CREB1: variants seen among roughly 807,000 people sequenced by gnomAD.
CREB1 encodes cyclic AMP-responsive element-binding protein 1.
CREB1 carries 2 observed loss-of-function variants against 42.0 expected under a neutral mutation model. The observed-to-expected ratio is 0.05, with a 90% confidence interval of 0.02 to 0.15. The LOEUF (loss-of-function observed/expected upper bound fraction) is 0.15, where lower values mean the gene tolerates loss of function less well. Among genes scored for constraint, CREB1 ranks in the 10% least tolerant of loss-of-function variants. CREB1 has a pLI of 1.00. For synonymous variants in CREB1, 123 were observed against 139.9 expected (o/e 0.88, Z 0.85); for missense variants, 199 against 388.9 (o/e 0.51, Z 4.11).
In CREB1 at chr2:207,597,989, A is replaced by G. The variant is rs2086447402; in HGVS notation, c.*931A>G. On this transcript the variant is annotated 3_prime_UTR_variant, in exon 8 of 8. Coordinates refer to ENST00000353267, the MANE Select transcript of CREB1 (RefSeq NM_004379.5). ...TATTGTCACTCATTTACGTAAAAAG[A>G]TATTTCTAATTTACTGTTGCCCATT... is the stretch of plus-strand genomic sequence containing the variant. 1 of 183,466 alleles carries G rather than the reference A, an allele frequency of 5.5e-6. No homozygotes were observed. Among genetic ancestry groups the G allele is most frequent in the Non-Finnish European group, 1.2e-5 (1 of 86,400 alleles). The allele number at this position is 183,466 out of a possible 1,614,324, so 11.4% of individuals were successfully genotyped here.
At chr2:207,563,698 C>A (rs546765755) in intron 3 of CREB1, among the ~76,000 whole-genome samples, 22 of 152,280 alleles carry the variant, frequency 1.4e-4, no homozygotes, top group African/African-American at 5.1e-4. Context: ...AATCCCAGCA[C>A]TTTGGGAGGC....
intron 1 of CREB1, among the ~76,000 whole-genome samples, chr2:207,531,300 C>G (rs907737814): frequency 6.6e-6 from 1 of 152,112 alleles, no homozygotes; most frequent in Non-Finnish European, 1.5e-5. Flanking sequence ...CCACGAATTT[C>G]TGTGTGAACT....
At chr2:207,554,327 G>A (rs1384654696) in intron 1 of CREB1, among the ~76,000 whole-genome samples, 3 of 152,180 alleles carry the variant, frequency 2.0e-5, no homozygotes, top group African/African-American at 7.2e-5. Flanking sequence ...AATACATTGT[G>A]ATGGAGTGTA....
intron 2 of CREB1, among the ~76,000 whole-genome samples, chr2:207,557,839 A>C (rs1288432195): frequency 6.6e-6 from 1 of 152,176 alleles, no homozygotes; most frequent in Non-Finnish European, 1.5e-5. Flanking sequence ...TAAAATTATT[A>C]GTGTAGAAAA....
In CREB1 at chr2:207,544,101, A is replaced by C. The variant is rs2081207549; in HGVS notation, c.-8-11527A>C. ...CGCCTGGCTAATTTTTTGTATTTTT[A>C]GTAGAGACAGAGTTTCACTGTGGTC... On this transcript the variant is annotated intron_variant, in intron 1 of 7. Transcript: ENST00000353267. Among the ~76,000 whole-genome samples the C allele has an allele frequency of 2.6e-5, 4 of 150,968 alleles. No homozygotes were observed. The South Asian group carries it at 8.4e-4, about 32-fold the overall frequency.
chr2:207,587,608 C>T (rs1264000458), intron 7 of CREB1, among the ~76,000 whole-genome samples: 1 of 152,030 alleles, frequency 6.6e-6, no homozygotes. Context: ...TACTGTCAAG[C>T]CACTAAAAAG....
chr2:207,563,519 T>C (rs1472261030), intron 3 of CREB1, among the ~76,000 whole-genome samples: 1 of 152,226 alleles, frequency 6.6e-6, no homozygotes, highest in Non-Finnish European at 1.5e-5. Context: ...AAAATGATTA[T>C]TTAGTAAGCA....
chr2:207,543,519 G>A (rs147509216), intron 1 of CREB1, among the ~76,000 whole-genome samples: 20 of 152,212 alleles, frequency 1.3e-4, no homozygotes, highest in East Asian at 3.9e-4. Context: ...TAAGTAAGGC[G>A]TAGTCTTCAT....
chr2:207,563,216 G>A (rs1443799667), intron 3 of CREB1, among the ~76,000 whole-genome samples: 2 of 152,154 alleles, frequency 1.3e-5, no homozygotes, highest in Non-Finnish European at 2.9e-5. Flanking sequence ...TAACAGAAAG[G>A]TATGGCTGGA....
rs2087591365 is a variant in CREB1 at position 207,603,933 on chromosome 2, G to C, written c.*6875G>C. 6.6e-6 allele frequency among the ~76,000 whole-genome samples: 1 copy of C among 152,170 alleles called. No individual in the cohort carries two copies. Among genetic ancestry groups the C allele is most frequent in the Non-Finnish European group, 1.5e-5 (1 of 68,024 alleles). On this transcript the variant is annotated 3_prime_UTR_variant, in exon 8 of 8. Transcript: ENST00000353267. ...CTGAAAATAAGCAGCTGCATTATTT[G>C]TATGTTTCTTCACTGCCAAGATGTG...
chr2:207,604,760 C>T lies in CREB1; in HGVS notation c.*7702C>T, dbSNP rs2087791599. 6.6e-6 allele frequency among the ~76,000 whole-genome samples: 1 copy of T among 152,196 alleles called. No homozygotes were observed. Among genetic ancestry groups the T allele is most frequent in the South Asian group, 2.1e-4 (1 of 4,834 alleles). ...CATTTTCTCCTCCCACCGCCCTTGT[C>T]CCTGGCAACCACCAATCTGCTTCCT... On this transcript the variant is annotated 3_prime_UTR_variant, in exon 8 of 8. Coordinates refer to ENST00000353267, the MANE Select transcript of CREB1 (RefSeq NM_004379.5).
intron 1 of CREB1, among the ~76,000 whole-genome samples, chr2:207,537,781 T>G (rs183356299): frequency 2.0e-5 from 3 of 152,208 alleles, no homozygotes; most frequent in African/African-American, 7.2e-5. Flanking sequence ...TGTTGTTGTT[T>G]TTTGTTTTGC....
intron 6 of CREB1, chr2:207,577,185 GA>G (rs2082629779): frequency 9.2e-7 from 1 of 1,084,104 alleles, no homozygotes; most frequent in Admixed American, 4.8e-5. Context: ...TATCTAGGAA[GA>G]TCATCCAAGC....
chr2:207,581,090 G>A (rs1163149155), intron 7 of CREB1: 1 of 211,846 alleles, frequency 4.7e-6, no homozygotes, highest in East Asian at 7.1e-5. Context: ...GATTTTAAAA[G>A]CAGATTCCCT....
chr2:207,584,906 A>G (rs759775615), intron 7 of CREB1, among the ~76,000 whole-genome samples: 9 of 152,146 alleles, frequency 5.9e-5, no homozygotes, highest in Non-Finnish European at 1.2e-4. Flanking sequence ...GCAGAGCAAA[A>G]GGTTGCCATT....
chr2:207,588,739 T>TG (rs67564101), intron 7 of CREB1, among the ~76,000 whole-genome samples: 14,701 of 148,420 alleles, frequency 0.099, 794 homozygotes, highest in Middle Eastern at 0.15. Context: ...TTTTTTTTTT[T>TG]TTTGTGTGTG....
At chr2:207,594,861 C>G (rs1281770423) in intron 7 of CREB1, among the ~76,000 whole-genome samples, 1 of 152,148 alleles carries the variant, frequency 6.6e-6, no homozygotes, top group Non-Finnish European at 1.5e-5. Context: ...TTCCAGTTTC[C>G]TCACATCCTC....
chr2:207,568,252 C>T (rs2082215833), intron 4 of CREB1: 1 of 151,954 alleles, frequency 6.6e-6, no homozygotes, highest in Admixed American at 6.5e-5. Flanking sequence ...TTTTTTCCCC[C>T]CGCTTGGCTA....
intron 1 of CREB1, among the ~76,000 whole-genome samples, chr2:207,554,667 A>G (rs2081643871): frequency 6.6e-6 from 1 of 152,200 alleles, no homozygotes; most frequent in East Asian, 1.9e-4. Context: ...ACATTACCCT[A>G]CAAATATACT....
Sources: gnomAD v4.1 joint callset for allele counts (sites outside exome capture counted in the v4.1 genomes callset) on GRCh38, gnomAD v4.1.1 for gene constraint, MANE v1.5 for transcripts, NCBI Gene and HGNC (gene_info 2026-07-23, HGNC 2026-07-21) for gene names.